SLC6A15: variants seen among roughly 807,000 people sequenced by gnomAD.
SLC6A15 encodes the protein solute carrier family 6 member 15, also known as sodium-dependent neutral amino acid transporter B(0)AT2.
A neutral mutation model predicts 68.5 loss-of-function variants in SLC6A15; 33 were observed. The ratio of observed to expected loss-of-function variants is 0.48; its 90% CI spans 0.37 to 0.64. The LOEUF is 0.64. Ranked by LOEUF, SLC6A15 falls within the 30% of genes least tolerant of loss-of-function variation. The pLI is 0.00. For synonymous variants in SLC6A15, 347 were observed against 301.0 expected, an observed-to-expected ratio of 1.15 and a Z score of -1.58; for missense variants, 747 against 874.3, an observed-to-expected ratio of 0.85 and a Z score of 1.84.
rs1318598466 is a variant in SLC6A15, at chr12:84,859,891, G to A, written c.*1741C>T. ...ATTGTATTTCCAGAAGGATACAGAA[G>A]AAACTGGCAATGGTGATTGCCTTTA... On this transcript the variant is annotated 3_prime_UTR_variant, in exon 12 of 12. Coordinates refer to ENST00000266682, the MANE Select transcript of SLC6A15 (RefSeq NM_182767.6). 1.3e-5 allele frequency: 2 copies of A among 152,028 alleles called. No individual in the cohort carries two copies. The highest frequency in any genetic ancestry group is 2.9e-5 in the Non-Finnish European group (2 of 67,910). 9.4% of individuals were successfully genotyped at this position (152,028 alleles called of 1,614,324 possible). A position where few individuals can be genotyped will look rare whatever the true frequency, so the allele number is the denominator to read the frequency against.
chr12:84,892,122 G>GGAGA lies in SLC6A15; in HGVS notation c.-6_-3dup, dbSNP rs1872430663. 1 of 1,594,410 alleles carries GGAGA rather than the reference G, an allele frequency of 6.3e-7. No individual in the cohort carries two copies. Among genetic ancestry groups the GGAGA allele is most frequent in the Non-Finnish European group, 8.5e-7 (1 of 1,172,534 alleles). ...TACCACCTTGCTATTTTTGGGCATTGGAGAGTATGCGAAGTATTTAAAAAA... is the reference window on the plus strand; with the variant it reads ...TACCACCTTGCTATTTTTGGGCATTGGAGAGAGAGTATGCGAAGTATTTAAAAAA... On this transcript the variant is annotated 5_prime_UTR_variant, in exon 2 of 12. Coordinates refer to ENST00000266682, the MANE Select transcript of SLC6A15 (RefSeq NM_182767.6).
chr12:84,859,832 G>A lies in SLC6A15; in HGVS notation c.*1800C>T, dbSNP rs1165006050. Reference sequence around the variant, plus strand: ...TCACAGAAATAGGTAAGATATAGAAGAGAGAATATAGAATGCTGTCATTTA... The same window carrying A: ...TCACAGAAATAGGTAAGATATAGAAAAGAGAATATAGAATGCTGTCATTTA... On this transcript the variant is annotated 3_prime_UTR_variant, in exon 12 of 12. Transcript: ENST00000266682. 2 of 151,994 alleles carry A rather than the reference G, an allele frequency of 1.3e-5. No homozygotes were observed. The highest frequency in any genetic ancestry group is 4.8e-5 in the African/African-American group (2 of 41,442). 9.4% of individuals were successfully genotyped at this position (151,994 alleles called of 1,614,324 possible).
At chr12:84,871,695 C>A (rs1041317640) in intron 8 of SLC6A15, among the ~76,000 whole-genome samples, 1 of 152,008 alleles carries the variant, frequency 6.6e-6, no homozygotes, top group Non-Finnish European at 1.5e-5. Flanking sequence ...ACACATGATT[C>A]TTTATGTTAG....
intron 6 of SLC6A15, 104 bp downstream of exon 6, chr12:84,876,393 T>C (rs772306700): frequency 4.7e-5 from 29 of 620,374 alleles, no homozygotes; most frequent in African/African-American, 7.9e-5. Flanking sequence ...AAGTTTAATG[T>C]ACATACATTA....
chr12:84,888,910 C>T (rs189792273), intron 2 of SLC6A15, among the ~76,000 whole-genome samples: 16 of 152,252 alleles, frequency 1.1e-4, no homozygotes, highest in African/African-American at 3.9e-4. Context: ...AAGTCACAGA[C>T]ACAAGATTTC....
chr12:84,862,666 T>C (rs530907156), intron 11 of SLC6A15, among the ~76,000 whole-genome samples: 1 of 152,332 alleles, frequency 6.6e-6, no homozygotes, highest in Non-Finnish European at 1.5e-5. Context: ...GAAATAGTTA[T>C]TGCTAATATA....
In SLC6A15 at chr12:84,872,559, A is replaced by G. The variant is rs749940837; in HGVS notation, c.1302+43T>C. 13 of 1,530,368 alleles carry G rather than the reference A, an allele frequency of 8.5e-6. No homozygotes were observed. The East Asian group carries it at 2.3e-4, about 27-fold the overall frequency. The allele number at this position is 1,530,368 out of a possible 1,614,324, so 94.8% of individuals were successfully genotyped here. ...AGTCTGCTGGATAATGCATATTTCA[A>G]GTGAATGATAATTATTTTATTGCTC... On this transcript the variant is annotated intron_variant, in intron 8 of 11. Coordinates refer to ENST00000266682, the MANE Select transcript of SLC6A15 (RefSeq NM_182767.6).
chr12:84,875,501 A>AT (rs1871476062), intron 6 of SLC6A15, among the ~76,000 whole-genome samples: 1 of 151,666 alleles, frequency 6.6e-6, no homozygotes, highest in African/African-American at 2.4e-5. Flanking sequence ...CTAATCCCTT[A>AT]TGCCCAAATC....
In SLC6A15 at chr12:84,900,233, T is replaced by G. The variant is rs73377517; in HGVS notation, c.-188-7925A>C. Among the ~76,000 whole-genome samples the G allele has an allele frequency of 3.0e-3, 452 of 152,104 alleles. 2 individuals carry two copies. Among genetic ancestry groups the G allele is most frequent in the African/African-American group, 0.011 (443 of 41,560 alleles). Reference sequence around the variant, plus strand: ...AATTTATTTCTGATTAATGTGTGTTTGGGGTATGATTGCAAATTCTTTTCT... The same window carrying G: ...AATTTATTTCTGATTAATGTGTGTTGGGGGTATGATTGCAAATTCTTTTCT... On this transcript the variant is annotated intron_variant, in intron 1 of 11. Transcript: ENST00000266682.
intron 1 of SLC6A15, among the ~76,000 whole-genome samples, chr12:84,903,659 T>C (rs1872995442): frequency 6.6e-6 from 1 of 152,112 alleles, no homozygotes; most frequent in African/African-American, 2.4e-5. Context: ...CTCCATTCTC[T>C]GTTTCTGTAG....
chr12:84,884,689 G>A (rs1271557169), intron 4 of SLC6A15, among the ~76,000 whole-genome samples: 1 of 152,046 alleles, frequency 6.6e-6, no homozygotes, highest in Non-Finnish European at 1.5e-5. Context: ...GGTAAGCATT[G>A]TCAAATATGC....
At chr12:84,893,756 T>C (rs1872524882) in intron 1 of SLC6A15, among the ~76,000 whole-genome samples, 1 of 152,198 alleles carries the variant, frequency 6.6e-6, no homozygotes, top group South Asian at 2.1e-4. Context: ...TTACTTAACT[T>C]ACTATGTAAC....
At chr12:84,894,911 A>G (rs1872574125) in intron 1 of SLC6A15, among the ~76,000 whole-genome samples, 1 of 152,058 alleles carries the variant, frequency 6.6e-6, no homozygotes, top group African/African-American at 2.4e-5. Context: ...TCGTATAACA[A>G]CTCTAGCCAA....
intron 6 of SLC6A15, among the ~76,000 whole-genome samples, chr12:84,874,812 ACT>A (rs1391827031): frequency 1.3e-5 from 2 of 152,154 alleles, no homozygotes; most frequent in Non-Finnish European, 2.9e-5. Flanking sequence ...ATCTCCACTC[ACT>A]GTTTCACAAG....
At chr12:84,908,818 A>G (rs1378167194) in intron 1 of SLC6A15, among the ~76,000 whole-genome samples, 1 of 151,932 alleles carries the variant, frequency 6.6e-6, no homozygotes, top group Non-Finnish European at 1.5e-5. Flanking sequence ...CTTTTTACAC[A>G]ACTATTACTA....
chr12:84,898,487 G>A (rs150850865), intron 1 of SLC6A15, among the ~76,000 whole-genome samples: 17 of 152,152 alleles, frequency 1.1e-4, no homozygotes, highest in African/African-American at 4.1e-4. Flanking sequence ...GACATGTATT[G>A]GTCCCAAATA....
chr12:84,901,269 AAATTC>A (rs1257531034), intron 1 of SLC6A15, among the ~76,000 whole-genome samples: 1 of 151,698 alleles, frequency 6.6e-6, no homozygotes, highest in Non-Finnish European at 1.5e-5. Flanking sequence ...TTTAAATTAA[AAATTC>A]AATTCATTTC....
chr12:84,894,854 A>G lies in SLC6A15; in HGVS notation c.-188-2546T>C, dbSNP rs116178127. Among the ~76,000 whole-genome samples the G allele has an allele frequency of 5.9e-3, 900 of 152,168 alleles. 11 individuals carry two copies. Among genetic ancestry groups the G allele is most frequent in the African/African-American group, 0.021 (859 of 41,540 alleles). On this transcript the variant is annotated intron_variant, in intron 1 of 11. Transcript: ENST00000266682. ...AATGTAAACAAATTTTAAATGTAAT[A>G]TTATATCATAAACACTTTGAATATA...
chr12:84,905,116 A>T (rs1873077885), intron 1 of SLC6A15, among the ~76,000 whole-genome samples: 1 of 152,176 alleles, frequency 6.6e-6, no homozygotes, highest in African/African-American at 2.4e-5. Flanking sequence ...AGTAAAAAAT[A>T]AAAAACTACA....
Sources: gnomAD v4.1 joint callset for allele counts (sites outside exome capture counted in the v4.1 genomes callset) on GRCh38, gnomAD v4.1.1 for gene constraint, MANE v1.5 for transcripts, NCBI Gene and HGNC (gene_info 2026-07-23, HGNC 2026-07-21) for gene names.